Variants in PTPRO observed in about 807,000 individuals in gnomAD.
PTPRO encodes receptor-type tyrosine-protein phosphatase O.
A neutral mutation model predicts 145.2 loss-of-function variants in PTPRO; 62 were observed. That is an observed-to-expected ratio of 0.43 (90% CI 0.35 to 0.53). PTPRO has a LOEUF of 0.53. PTPRO is among the 20% of genes least tolerant of loss of function. The pLI is 0.01. For missense variants in PTPRO, 1,345 were observed against 1,482.7 expected, an observed-to-expected ratio of 0.91 and a Z score of 1.53; for synonymous variants, 565 against 514.7, an observed-to-expected ratio of 1.10 and a Z score of -1.32.
chr12:15,560,090 T>A, intron 16 of PTPRO, 103 bp from the exon 17 acceptor site: 1 of 835,038 alleles, frequency 1.2e-6, no homozygotes, highest in South Asian at 1.4e-5. Context: ...CTTGTCATAT[T>A]AATTAATCCC....
intron 1 of PTPRO, among the ~76,000 whole-genome samples, chr12:15,482,852 T>C (rs1941808607): frequency 6.6e-6 from 1 of 152,064 alleles, no homozygotes; most frequent in Non-Finnish European, 1.5e-5. Flanking sequence ...CAAATGAACA[T>C]GTGGAACAAT....
intron 16 of PTPRO, among the ~76,000 whole-genome samples, chr12:15,559,613 T>A (rs181242538): frequency 2.0e-5 from 3 of 152,276 alleles, no homozygotes; most frequent in East Asian, 1.9e-4. Flanking sequence ...CCTTGTATCA[T>A]CCATACCTCT....
intron 24 of PTPRO, among the ~76,000 whole-genome samples, chr12:15,587,654 C>T (rs974086307): frequency 6.6e-6 from 1 of 152,194 alleles, no homozygotes; most frequent in Non-Finnish European, 1.5e-5. Context: ...CACTAATTCC[C>T]AACAGGAAAA....
At chr12:15,550,102 A>G (rs1048286723) in intron 14 of PTPRO, among the ~76,000 whole-genome samples, 1 of 152,158 alleles carries the variant, frequency 6.6e-6, no homozygotes, top group Non-Finnish European at 1.5e-5. Context: ...AAATCCATGT[A>G]TAATTTTTGA....
At chr12:15,546,784 T>C (rs1280050773) in intron 13 of PTPRO, 76 bp downstream of exon 13, 8 of 1,562,068 alleles carry the variant, frequency 5.1e-6, no homozygotes, top group Non-Finnish European at 7.0e-6. Context: ...AAGAATCTTC[T>C]ATTTCTTTGA....
chr12:15,440,434 TA>T (rs1345779577), intron 1 of PTPRO: 3 of 241,696 alleles, frequency 1.2e-5, no homozygotes, highest in Non-Finnish European at 2.4e-5. Context: ...TAAAGTGAAT[TA>T]AGCCTGAAAA....
At chr12:15,556,509 A>G (rs1403201364) in intron 15 of PTPRO, among the ~76,000 whole-genome samples, 3 of 141,710 alleles carry the variant, frequency 2.1e-5, no homozygotes, top group Admixed American at 1.4e-4. Context: ...CTACTTCTGG[A>G]AAAAAAAAAA....
At chr12:15,441,573 G>C (rs1035193117) in intron 1 of PTPRO, among the ~76,000 whole-genome samples, 6 of 151,994 alleles carry the variant, frequency 3.9e-5, no homozygotes, top group African/African-American at 1.4e-4. Context: ...ACTAAAAGTT[G>C]GTTCTTTGAA....
At chr12:15,323,694 G>A (rs533200574) in intron 1 of PTPRO, among the ~76,000 whole-genome samples, 4 of 152,168 alleles carry the variant, frequency 2.6e-5, no homozygotes, top group Admixed American at 6.5e-5. Flanking sequence ...TCCTCTCTCC[G>A]CAAAGCAAAC....
chr12:15,491,807 C>G (rs1376488842), intron 2 of PTPRO, among the ~76,000 whole-genome samples: 1 of 152,152 alleles, frequency 6.6e-6, no homozygotes, highest in African/African-American at 2.4e-5. Flanking sequence ...AAGTAATGGG[C>G]CCTCTGTGCT....
chr12:15,442,221 A>G (rs1423423909), intron 1 of PTPRO, among the ~76,000 whole-genome samples: 1 of 152,194 alleles, frequency 6.6e-6, no homozygotes, highest in African/African-American at 2.4e-5. Flanking sequence ...AATGTGACTC[A>G]CCACATAAAG....
intron 19 of PTPRO, among the ~76,000 whole-genome samples, chr12:15,570,846 T>A (rs1944029710): frequency 6.6e-6 from 1 of 152,220 alleles, no homozygotes. Flanking sequence ...GGCATGCCCT[T>A]GGTGGCACAG....
chr12:15,496,790 T>C (rs1942116596), intron 2 of PTPRO, among the ~76,000 whole-genome samples: 1 of 152,226 alleles, frequency 6.6e-6, no homozygotes, highest in South Asian at 2.1e-4. Flanking sequence ...TAACTATCAT[T>C]GGTCTGAGCC....
At chr12:15,447,566 A>G (rs1372200232) in intron 1 of PTPRO, among the ~76,000 whole-genome samples, 1 of 152,288 alleles carries the variant, frequency 6.6e-6, no homozygotes, top group East Asian at 1.9e-4. Flanking sequence ...AAAGAAAACC[A>G]ATCCACAATG....
chr12:15,457,057 C>T (rs540489266), intron 1 of PTPRO, among the ~76,000 whole-genome samples: 9 of 152,136 alleles, frequency 5.9e-5, no homozygotes, highest in African/African-American at 2.2e-4. Context: ...AGGTTGTTTA[C>T]TTAAGATGAC....
At chr12:15,479,183 C>G (rs993491468) in intron 1 of PTPRO, among the ~76,000 whole-genome samples, 1 of 152,070 alleles carries the variant, frequency 6.6e-6, no homozygotes, top group African/African-American at 2.4e-5. Context: ...CTACCTTAAC[C>G]GTCAGATACT....
intron 25 of PTPRO, among the ~76,000 whole-genome samples, chr12:15,591,870 A>T (rs1415992535): frequency 6.6e-6 from 1 of 151,982 alleles, no homozygotes; most frequent in Non-Finnish European, 1.5e-5. Flanking sequence ...TCAAAAAAAA[A>T]ACCCCATAAA....
chr12:15,327,567 G>A (rs754511772), intron 1 of PTPRO, among the ~76,000 whole-genome samples: 2 of 152,096 alleles, frequency 1.3e-5, no homozygotes, highest in Non-Finnish European at 2.9e-5. Flanking sequence ...TATCCCTATG[G>A]TAGTGTTTAA....
At chr12:15,376,097 A>G (rs1481169257) in intron 1 of PTPRO, among the ~76,000 whole-genome samples, 1 of 152,212 alleles carries the variant, frequency 6.6e-6, no homozygotes, top group Non-Finnish European at 1.5e-5. Flanking sequence ...TTTGAAGAAA[A>G]TCATAGCCAT....
Sources: gnomAD v4.1 joint callset for allele counts (sites outside exome capture counted in the v4.1 genomes callset) on GRCh38, gnomAD v4.1.1 for gene constraint, MANE v1.5 for transcripts, NCBI Gene and HGNC (gene_info 2026-07-23, HGNC 2026-07-21) for gene names.